The following ESRRG variants were observed in gnomAD, a reference collection of about 807,000 sequenced individuals.
ESRRG encodes estrogen related receptor gamma.
Under a neutral mutation model 44.0 loss-of-function variants are expected in ESRRG, and 13 were observed. That is an observed-to-expected ratio of 0.30 (90% CI 0.19 to 0.47). The LOEUF is 0.47. ESRRG is among the 20% of genes least tolerant of loss of function. The probability of loss-of-function intolerance (pLI) is 1.00; values close to 1 mark genes in which losing one functional copy is unlikely to be tolerated. For synonymous variants in ESRRG, 215 were observed against 214.6 expected, an observed-to-expected ratio of 1.00 and a Z score of -0.02; for missense variants, 395 against 580.6, an observed-to-expected ratio of 0.68 and a Z score of 3.29.
At chr1:216,961,459 T>C (rs1186622628) in intron 1 of ESRRG, among the ~76,000 whole-genome samples, 1 of 151,996 alleles carries the variant, frequency 6.6e-6, no homozygotes, top group East Asian at 1.9e-4. Flanking sequence ...CCACAAACTA[T>C]TAGAAGATAT....
rs749847047 is a variant in ESRRG, at chr1:216,916,834, C to CTTTTTTTTTT, written c.-14+22738_-14+22747dup. The stretch of plus-strand genomic sequence containing the variant: ...GGTTCAAATTCCACTCAGCTTTGGT[C>CTTTTTTTTTT]TTTTTTTTTTTTTTTTTTTTTTTTT... On this transcript the variant is annotated intron_variant, in intron 2 of 7. Transcript: ENST00000359162. 4.0e-4 allele frequency among the ~76,000 whole-genome samples: 25 copies of CTTTTTTTTTT among 62,478 alleles called. 3 individuals carry two copies. Among genetic ancestry groups the CTTTTTTTTTT allele is most frequent in the Non-Finnish European group, 6.1e-4 (22 of 35,818 alleles). 41.0% of individuals were successfully genotyped at this position (62,478 alleles called of 152,430 possible).
chr1:216,588,809 C>A (rs143167741), intron 3 of ESRRG, among the ~76,000 whole-genome samples: 11 of 152,214 alleles, frequency 7.2e-5, no homozygotes, highest in Non-Finnish European at 1.3e-4. Context: ...ACAAGGAAAG[C>A]AGATAATTGA....
At chr1:216,785,451 G>A (rs1239289424) in intron 2 of ESRRG, among the ~76,000 whole-genome samples, 3 of 151,944 alleles carry the variant, frequency 2.0e-5, no homozygotes, top group Admixed American at 1.3e-4. Context: ...TAGACATCAC[G>A]GTGTTAGGGC....
intron 5 of ESRRG, among the ~76,000 whole-genome samples, chr1:216,554,284 C>T (rs1329014942): frequency 6.6e-6 from 1 of 151,648 alleles, no homozygotes; most frequent in Non-Finnish European, 1.5e-5. Flanking sequence ...TGAAACTCCT[C>T]CTCTACTAAA....
intron 1 of ESRRG, among the ~76,000 whole-genome samples, chr1:217,036,705 C>T (rs908249978): frequency 2.0e-5 from 3 of 151,964 alleles, no homozygotes; most frequent in Non-Finnish European, 2.9e-5. Context: ...GGAAAAGTAA[C>T]TAATGAATAC....
chr1:216,742,952 G>C (rs1297027259), intron 2 of ESRRG, among the ~76,000 whole-genome samples: 1 of 152,108 alleles, frequency 6.6e-6, no homozygotes, highest in Non-Finnish European at 1.5e-5. Flanking sequence ...GTGTAGCATT[G>C]AATGAGAGGT....
intron 5 of ESRRG, among the ~76,000 whole-genome samples, chr1:216,551,389 T>C (rs1208866012): frequency 1.3e-5 from 2 of 152,178 alleles, no homozygotes; most frequent in Admixed American, 6.5e-5. Context: ...CTTATTTCCA[T>C]ATTCAGATGT....
At chr1:217,030,837 G>T (rs752334612) in intron 1 of ESRRG, among the ~76,000 whole-genome samples, 1 of 152,196 alleles carries the variant, frequency 6.6e-6, no homozygotes, top group Non-Finnish European at 1.5e-5. Flanking sequence ...CATAATTTTT[G>T]TATTAGTTAC....
intron 1 of ESRRG, among the ~76,000 whole-genome samples, chr1:217,136,093 C>G (rs967805775): frequency 2.0e-5 from 3 of 152,324 alleles, no homozygotes; most frequent in African/African-American, 7.2e-5. Flanking sequence ...ACCCACCTAC[C>G]TTTGCTACCC....
intron 2 of ESRRG, among the ~76,000 whole-genome samples, chr1:216,660,765 G>A (rs1344163760): frequency 1.3e-5 from 2 of 152,060 alleles, no homozygotes; most frequent in Non-Finnish European, 2.9e-5. Context: ...GGGCAGCTGT[G>A]GGATAGGATA....
chr1:216,834,633 C>A (rs949273320), intron 2 of ESRRG, among the ~76,000 whole-genome samples: 2 of 152,050 alleles, frequency 1.3e-5, no homozygotes, highest in Non-Finnish European at 2.9e-5. Flanking sequence ...TGTCTTTGAC[C>A]AGCATCTTGA....
intron 3 of ESRRG, among the ~76,000 whole-genome samples, chr1:216,622,440 T>A (rs1289865532): frequency 6.6e-6 from 1 of 152,210 alleles, no homozygotes; most frequent in Non-Finnish European, 1.5e-5. Context: ...CATTCTCTGA[T>A]CCTTCTCAAC....
intron 1 of ESRRG, among the ~76,000 whole-genome samples, chr1:217,063,691 G>T (rs748428941): frequency 2.0e-5 from 3 of 152,140 alleles, no homozygotes; most frequent in Non-Finnish European, 4.4e-5. Flanking sequence ...TGGGAAGAGG[G>T]ACCAGCTGAC....
intron 2 of ESRRG, among the ~76,000 whole-genome samples, chr1:216,825,062 G>A (rs2095367557): frequency 6.6e-6 from 1 of 152,094 alleles, no homozygotes; most frequent in African/African-American, 2.4e-5. Flanking sequence ...TTTTTTACCA[G>A]AGCTTCCCTT....
intron 2 of ESRRG, among the ~76,000 whole-genome samples, chr1:216,757,077 G>A (rs964433717): frequency 6.6e-6 from 1 of 151,976 alleles, no homozygotes; most frequent in Non-Finnish European, 1.5e-5. Context: ...GGTTGTCATT[G>A]CAACTTTATG....
chr1:217,013,797 T>C (rs903732113), intron 1 of ESRRG, among the ~76,000 whole-genome samples: 1 of 104,960 alleles, frequency 9.5e-6, no homozygotes, highest in African/African-American at 4.1e-5. Flanking sequence ...CCAAGCACAG[T>C]GCTCCCTGAC....
At chr1:216,906,435 G>A (rs138907860) in intron 2 of ESRRG, among the ~76,000 whole-genome samples, 157 of 152,148 alleles carry the variant, frequency 1.0e-3, no homozygotes, top group Middle Eastern at 3.4e-3. Flanking sequence ...AGCATCTACC[G>A]GCTATTTGGG....
At chr1:216,633,544 T>A (rs537915913) in intron 3 of ESRRG, among the ~76,000 whole-genome samples, 1 of 152,206 alleles carries the variant, frequency 6.6e-6, no homozygotes, top group Non-Finnish European at 1.5e-5. Flanking sequence ...AGCACATAAG[T>A]GAAAGGAAAC....
At chr1:216,509,766 G>A (rs2042180211) in intron 6 of ESRRG, among the ~76,000 whole-genome samples, 4 of 151,934 alleles carry the variant, frequency 2.6e-5, no homozygotes, top group South Asian at 2.1e-4. Flanking sequence ...ACCCATTCTC[G>A]GATCTGCTAA....
Sources: allele counts gnomAD v4.1 joint callset (sites outside exome capture counted in the v4.1 genomes callset), GRCh38; gene constraint gnomAD v4.1.1; transcripts MANE v1.5; gene names NCBI Gene and HGNC (gene_info 2026-07-23, HGNC 2026-07-21).